ETV6: variants seen among roughly 807,000 people sequenced by gnomAD.
ETV6 encodes ETS variant transcription factor 6.
In ETV6, 16 loss-of-function variants were observed where a neutral mutation model predicts 51.1. The observed-to-expected ratio is 0.31, with a 90% CI of 0.21 to 0.48. The LOEUF (loss-of-function observed/expected upper bound fraction) is 0.48, where lower values mean the gene tolerates loss of function less well. Among genes scored for constraint, ETV6 ranks in the 20% least tolerant of loss-of-function variants. ETV6 has a pLI of 0.99. For synonymous variants in ETV6, 240 were observed against 224.1 expected (o/e 1.07, Z -0.64); for missense variants, 458 against 594.8 (o/e 0.77, Z 2.39).
In ETV6 at chr12:11,821,347, C is replaced by T. The variant is rs569120719; in HGVS notation, c.164-17793C>T. Among the ~76,000 whole-genome samples the T allele has an allele frequency of 2.0e-5, 3 of 152,178 alleles. No individual in the cohort carries two copies. The South Asian group carries it at 6.2e-4, about 32-fold the overall frequency. On this transcript the variant is annotated intron_variant, in intron 2 of 7. Coordinates refer to ENST00000396373, the MANE Select transcript of ETV6 (RefSeq NM_001987.5). ...CGCCACTGCACTCCAGCCTGGGCAA[C>T]AGAGTGAGACTCAGTCTCAAAAAAA...
chr12:11,665,607 G>T (rs916886487), intron 1 of ETV6, among the ~76,000 whole-genome samples: 9 of 152,210 alleles, frequency 5.9e-5, no homozygotes, highest in African/African-American at 2.2e-4. Flanking sequence ...TTAATCAGTA[G>T]GTATTTATTA....
rs183462869 is a variant in ETV6 at position 11,724,031 on chromosome 12, C to G, written c.34-28419C>G. 1.8e-3 allele frequency among the ~76,000 whole-genome samples: 273 copies of G among 152,226 alleles called. 2 individuals are homozygous for G. Among genetic ancestry groups the G allele is most frequent in the Admixed American group, 0.013 (192 of 15,286 alleles). On this transcript the variant is annotated intron_variant, in intron 1 of 7. Transcript: ENST00000396373. ...TGCAGTGGTGGCATACTCCCTCCCC[C>G]ACCCCTGACCTGAGGGTGCTGTGTG...
At chr12:11,832,407 G>T (rs1946257548) in intron 2 of ETV6, among the ~76,000 whole-genome samples, 1 of 152,198 alleles carries the variant, frequency 6.6e-6, no homozygotes, top group South Asian at 2.1e-4. Flanking sequence ...GACATCCCAG[G>T]GTCGAGAACT....
chr12:11,887,526 G>A (rs71457108), intron 7 of ETV6, among the ~76,000 whole-genome samples: 3 of 152,050 alleles, frequency 2.0e-5, no homozygotes, highest in African/African-American at 7.3e-5. Context: ...GAGGTGGGCA[G>A]ATCACGAGGT....
chr12:11,758,470 G>A (rs928024708), intron 2 of ETV6, among the ~76,000 whole-genome samples: 2 of 152,130 alleles, frequency 1.3e-5, no homozygotes, highest in Non-Finnish European at 2.9e-5. Context: ...GTGTATTATT[G>A]AGACTAATCT....
chr12:11,754,516 TG>T (rs1451521919), intron 2 of ETV6, among the ~76,000 whole-genome samples: 2 of 152,314 alleles, frequency 1.3e-5, no homozygotes, highest in African/African-American at 4.8e-5. Context: ...CACACTGAAC[TG>T]GAGGTCAGGA....
intron 1 of ETV6, among the ~76,000 whole-genome samples, chr12:11,672,672 A>G (rs560053312): frequency 1.3e-5 from 2 of 152,352 alleles, no homozygotes; most frequent in East Asian, 3.9e-4. Context: ...CATGCTGCTC[A>G]TAACAGACGG....
At chr12:11,659,613 T>C (rs1864062219) in intron 1 of ETV6, among the ~76,000 whole-genome samples, 1 of 152,196 alleles carries the variant, frequency 6.6e-6, no homozygotes, top group Non-Finnish European at 1.5e-5. Context: ...TTACGTCCCC[T>C]ATACGTAAGA....
chr12:11,854,454 G>T (rs1946602200), intron 4 of ETV6, among the ~76,000 whole-genome samples: 1 of 152,140 alleles, frequency 6.6e-6, no homozygotes, highest in Admixed American at 6.5e-5. Context: ...ATGAAGTGAA[G>T]AACATTCCAG....
rs1947342746 is a variant in ETV6 at position 11,893,825 on chromosome 12, TATATATATATATATATACACACAC to T, written c.*2781_*2804del. On this transcript the variant is annotated 3_prime_UTR_variant, in exon 8 of 8. Transcript: ENST00000396373. ...ATATATATATATATATATATATATA[TATATATATATATATATACACACAC>T]ACACACATACACAAATATTCCAGGA... is the stretch of plus-strand genomic sequence containing the variant. The T allele has an allele frequency of 7.2e-5, 9 of 124,166 alleles. No homozygotes were observed. The South Asian group carries it at 2.3e-3, about 31-fold the overall frequency. The allele number at this position is 124,166 out of a possible 1,614,324, so 7.7% of individuals were successfully genotyped here.
chr12:11,664,318 G>T (rs548922490), intron 1 of ETV6, among the ~76,000 whole-genome samples: 2 of 152,056 alleles, frequency 1.3e-5, no homozygotes, highest in African/African-American at 4.8e-5. Context: ...GAGTCTTATT[G>T]TTATTGTTTT....
intron 2 of ETV6, among the ~76,000 whole-genome samples, chr12:11,794,898 A>G (rs879805669): frequency 2.6e-5 from 4 of 152,326 alleles, no homozygotes; most frequent in Non-Finnish European, 5.9e-5. Flanking sequence ...CATGTCCTCT[A>G]CTTCCGTTGT....
intron 1 of ETV6, among the ~76,000 whole-genome samples, chr12:11,697,655 C>T (rs972936645): frequency 2.6e-5 from 4 of 152,088 alleles, no homozygotes; most frequent in African/African-American, 9.7e-5. Context: ...GATAAAAGGG[C>T]AGGGGATGTT....
At position 11,857,585 on chromosome 12, in the gene ETV6, C is replaced by T. The variant is rs11054475; in HGVS notation, c.463+4024C>T. Among the ~76,000 whole-genome samples the T allele has an allele frequency of 4.6e-4, 70 of 152,312 alleles. No individual in the cohort carries two copies. The East Asian group carries it at 0.013, about 28-fold the overall frequency. On this transcript the variant is annotated intron_variant, in intron 4 of 7. Coordinates refer to ENST00000396373, the MANE Select transcript of ETV6 (RefSeq NM_001987.5). ...ATAATTTTTCACCCATACCAACACA[C>T]TTATGACAGTGACACAGGGCTCCAG...
At chr12:11,723,371 G>A (rs765739425) in intron 1 of ETV6, among the ~76,000 whole-genome samples, 11 of 152,130 alleles carry the variant, frequency 7.2e-5, no homozygotes, top group Admixed American at 2.0e-4. Flanking sequence ...TACCCACAAC[G>A]CACTCTCCCT....
chr12:11,887,771 G>A (rs11610730), intron 7 of ETV6, among the ~76,000 whole-genome samples: 3,876 of 148,836 alleles, frequency 0.026, 54 homozygotes, highest in Middle Eastern at 0.054. Flanking sequence ...AAAAAGAAAA[G>A]AAATTCCACC....
At chr12:11,772,407 A>G (rs545789023) in intron 2 of ETV6, among the ~76,000 whole-genome samples, 3 of 152,314 alleles carry the variant, frequency 2.0e-5, no homozygotes, top group East Asian at 3.9e-4. Context: ...AATAGTAAAG[A>G]TGGTTTTCAG....
At chr12:11,810,294 C>A (rs1945894735) in intron 2 of ETV6, among the ~76,000 whole-genome samples, 1 of 152,100 alleles carries the variant, frequency 6.6e-6, no homozygotes, top group Non-Finnish European at 1.5e-5. Context: ...AAGTAGAAGT[C>A]CAACTTGAGA....
intron 1 of ETV6, among the ~76,000 whole-genome samples, chr12:11,726,314 G>T (rs1005411206): frequency 6.6e-6 from 1 of 152,198 alleles, no homozygotes; most frequent in Non-Finnish European, 1.5e-5. Flanking sequence ...TCAGGAAACA[G>T]TACCAGATAT....
Sources: gnomAD v4.1 joint callset for allele counts (sites outside exome capture counted in the v4.1 genomes callset) on GRCh38, gnomAD v4.1.1 for gene constraint, MANE v1.5 for transcripts, NCBI Gene and HGNC (gene_info 2026-07-23, HGNC 2026-07-21) for gene names.